Variants in GOT2 observed in about 807,000 individuals in gnomAD.
The protein encoded by GOT2 is aspartate aminotransferase, mitochondrial.
A neutral mutation model predicts 50.0 loss-of-function variants in GOT2; 17 were observed. The observed-to-expected ratio is 0.34, with a 90% confidence interval of 0.23 to 0.51. The LOEUF (loss-of-function observed/expected upper bound fraction) is 0.51, where lower values mean the gene tolerates loss of function less well. GOT2 is among the 20% of genes least tolerant of loss of function. GOT2 has a pLI of 0.97. For synonymous variants in GOT2, 172 were observed against 204.9 expected (o/e 0.84, Z 1.37); for missense variants, 430 against 559.6 (o/e 0.77, Z 2.34).
intron 1 of GOT2, among the ~76,000 whole-genome samples, chr16:58,731,233 C>T (rs887612369): frequency 2.0e-5 from 3 of 152,080 alleles, no homozygotes; most frequent in Admixed American, 6.5e-5. Context: ...ACCTCTCAAG[C>T]GATCAGGCTC....
intron 5 of GOT2, 59 bp downstream of exon 5, chr16:58,718,468 T>A: frequency 6.7e-7 from 1 of 1,482,604 alleles, no homozygotes; most frequent in Non-Finnish European, 9.2e-7. Context: ...GTGGGAGACA[T>A]CAAATGTCCG....
At chr16:58,726,374 C>G (rs533102890) in intron 1 of GOT2, among the ~76,000 whole-genome samples, 7 of 152,146 alleles carry the variant, frequency 4.6e-5, no homozygotes, top group African/African-American at 1.4e-4. Context: ...TTAGTAGAGA[C>G]GGGGTTTCGC....
intron 6 of GOT2, among the ~76,000 whole-genome samples, chr16:58,717,321 G>A (rs780285088): frequency 6.6e-6 from 1 of 152,096 alleles, no homozygotes; most frequent in African/African-American, 2.4e-5. Flanking sequence ...AGGCTGCTGT[G>A]AGCTGTGACT....
chr16:58,723,264 A>G (rs920523687), intron 2 of GOT2, among the ~76,000 whole-genome samples: 13 of 152,266 alleles, frequency 8.5e-5, no homozygotes, highest in African/African-American at 2.2e-4. Flanking sequence ...GATGCTACTA[A>G]TAAAAATATA....
intron 6 of GOT2, among the ~76,000 whole-genome samples, chr16:58,717,153 C>T (rs2044701205): frequency 6.6e-6 from 1 of 152,250 alleles, no homozygotes; most frequent in Non-Finnish European, 1.5e-5. Flanking sequence ...GTGGGAGGAT[C>T]ACTTGAGCCC....
Position 58,715,381 on chromosome 16 carries a change from T to A in GOT2, c.1019+633A>T, listed in dbSNP as rs545264112. On this transcript the variant is annotated intron_variant, in intron 8 of 9. Transcript: ENST00000245206. ...ACCATTTAAAAATTATGACTGCCTC[T>A]TACAGAGAAATATCAATTAACTTGG... is the stretch of plus-strand genomic sequence containing the variant. Among the ~76,000 whole-genome samples the A allele has an allele frequency of 7.2e-5, 11 of 152,274 alleles. No individual in the cohort carries two copies. The South Asian group carries it at 2.3e-3, about 32-fold the overall frequency.
chr16:58,710,495 A>G (rs182598239), intron 8 of GOT2, among the ~76,000 whole-genome samples: 112 of 151,804 alleles, frequency 7.4e-4, no homozygotes, highest in African/African-American at 2.6e-3. Flanking sequence ...GCCTCCCAAA[A>G]TGCTAGGATT....
intron 8 of GOT2, 118 bp from the exon 9 acceptor site, chr16:58,709,685 C>A: frequency 1.4e-6 from 1 of 707,586 alleles, no homozygotes; most frequent in Non-Finnish European, 2.3e-6. Context: ...TCTCAGGTCA[C>A]GAATGAGTGA....
chr16:58,719,886 C>A (rs1276555300), intron 3 of GOT2, among the ~76,000 whole-genome samples: 1 of 152,036 alleles, frequency 6.6e-6, no homozygotes, highest in African/African-American at 2.4e-5. Flanking sequence ...AACAAGTATA[C>A]AAGGATAACA....
At chr16:58,708,624 A>C (rs1014026480) in intron 9 of GOT2, among the ~76,000 whole-genome samples, 1 of 85,426 alleles carries the variant, frequency 1.2e-5, no homozygotes, top group African/African-American at 4.1e-5. Context: ...ATCTCAAAAA[A>C]AGAAAAAAAA....
chr16:58,726,146 T>C (rs1302276436), intron 1 of GOT2, among the ~76,000 whole-genome samples: 2 of 152,220 alleles, frequency 1.3e-5, no homozygotes, highest in African/African-American at 4.8e-5. Context: ...TTGTTTTAAA[T>C]ATGAAAGAGC....
In GOT2 at chr16:58,716,780, A is replaced by G. The variant is rs2044698573; in HGVS notation, c.736T>C (p.Tyr246His). Reference sequence around the variant, plus strand: ...CCATCACCACTGGCAAAGCCTTGGTAGGCCATGTCAAAGAACGCAAAGAGA... The same window carrying G: ...CCATCACCACTGGCAAAGCCTTGGTGGGCCATGTCAAAGAACGCAAAGAGA... ...RNLFAFFDMA[Y>H]QGFASGDGDK... Residue 246 changes from tyrosine (Y) to histidine (H), a missense_variant, in exon 7 of 10, where the codon TAC becomes CAC. Physicochemically the swap from Tyr to His is moderately conservative, Grantham distance 83. Transcript: ENST00000245206. The G allele has an allele frequency of 6.2e-7, 1 of 1,613,756 alleles. No individual in the cohort carries two copies. Among genetic ancestry groups the G allele is most frequent in the East Asian group, 2.2e-5 (1 of 44,880 alleles).
intron 8 of GOT2, among the ~76,000 whole-genome samples, chr16:58,712,848 G>T (rs540109044): frequency 6.6e-6 from 1 of 152,296 alleles, no homozygotes; most frequent in East Asian, 1.9e-4. Context: ...AGTGGTTCAC[G>T]CCTGTAATCC....
intron 1 of GOT2, among the ~76,000 whole-genome samples, chr16:58,730,076 T>C (rs1022219307): frequency 2.0e-5 from 3 of 152,168 alleles, no homozygotes; most frequent in Non-Finnish European, 1.5e-5. Context: ...AAGTTATTCT[T>C]AGCCAGAGAG....
At chr16:58,719,417 A>G (rs1432253529) in intron 3 of GOT2, among the ~76,000 whole-genome samples, 162 bp from the exon 4 acceptor site, 1 of 152,182 alleles carries the variant, frequency 6.6e-6, no homozygotes, top group African/African-American at 2.4e-5. Context: ...GAACACAAAA[A>G]TTCCTCCTCA....
chr16:58,728,546 C>T (rs753928599), intron 1 of GOT2, among the ~76,000 whole-genome samples: 1 of 152,190 alleles, frequency 6.6e-6, no homozygotes, highest in African/African-American at 2.4e-5. Context: ...CATATGCAGC[C>T]GTAAGACCTT....
chr16:58,725,931 T>G (rs116639282), intron 1 of GOT2, among the ~76,000 whole-genome samples: 3 of 152,232 alleles, frequency 2.0e-5, no homozygotes, highest in Non-Finnish European at 4.4e-5. Flanking sequence ...TTAGATCCTG[T>G]TATACTCTTA....
intron 8 of GOT2, among the ~76,000 whole-genome samples, chr16:58,715,428 C>T (rs549026582): frequency 2.0e-5 from 3 of 152,126 alleles, no homozygotes; most frequent in Non-Finnish European, 2.9e-5. Context: ...AACAAATACT[C>T]GGGAGGCTGA....
chr16:58,720,592 T>C (rs1460225500), intron 3 of GOT2, among the ~76,000 whole-genome samples: 1 of 151,838 alleles, frequency 6.6e-6, no homozygotes, highest in Non-Finnish European at 1.5e-5. Flanking sequence ...TTTTTTTTTT[T>C]TTTTGAGATA....
Sources: gnomAD v4.1 joint callset for allele counts (sites outside exome capture counted in the v4.1 genomes callset) on GRCh38, gnomAD v4.1.1 for gene constraint, MANE v1.5 for transcripts, NCBI Gene and HGNC (gene_info 2026-07-23, HGNC 2026-07-21) for gene names.